TYR: variants seen among roughly 807,000 people sequenced by gnomAD.
The protein encoded by TYR is tyrosinase.
TYR carries 58 observed loss-of-function variants against 51.5 expected under a neutral mutation model. The observed-to-expected ratio is 1.13, with a 90% CI of 0.91 to 1.40. The LOEUF (loss-of-function observed/expected upper bound fraction) is 1.40, where lower values mean the gene tolerates loss of function less well. Among genes scored for constraint, TYR ranks in the 40% most tolerant of loss-of-function variants. TYR has a pLI of 0.00. For missense variants in TYR, 732 were observed against 647.4 expected, an observed-to-expected ratio of 1.13 and a Z score of -1.42; for synonymous variants, 263 against 235.2, an observed-to-expected ratio of 1.12 and a Z score of -1.08.
intron 2 of TYR, among the ~76,000 whole-genome samples, chr11:89,220,245 T>C (rs995116331): frequency 2.0e-5 from 3 of 152,142 alleles, no homozygotes; most frequent in South Asian, 2.1e-4. Flanking sequence ...CTTACAATTA[T>C]GGTAGAAGGC....
intron 2 of TYR, among the ~76,000 whole-genome samples, chr11:89,203,512 TG>T (rs1279706699): frequency 6.6e-6 from 1 of 152,204 alleles, no homozygotes; most frequent in Admixed American, 6.5e-5. Flanking sequence ...CTTCTACTTC[TG>T]GGAAGGTAAA....
chr11:89,213,145 A>G (rs1447353056), intron 2 of TYR, among the ~76,000 whole-genome samples: 5 of 152,180 alleles, frequency 3.3e-5, no homozygotes, highest in Non-Finnish European at 7.4e-5. Flanking sequence ...GAGGAAGTCC[A>G]ATTGTCTATT....
intron 2 of TYR, among the ~76,000 whole-genome samples, chr11:89,207,812 T>C (rs1943691970): frequency 6.6e-6 from 1 of 152,230 alleles, no homozygotes; most frequent in Non-Finnish European, 1.5e-5. Flanking sequence ...GTAAATATTC[T>C]GTATCTTGAC....
intron 3 of TYR, among the ~76,000 whole-genome samples, chr11:89,241,406 A>G (rs1944192289): frequency 6.6e-6 from 1 of 152,118 alleles, no homozygotes; most frequent in Non-Finnish European, 1.5e-5. Context: ...CATTGATCAT[A>G]TCTAGTTTGT....
chr11:89,218,934 T>C (rs1565401986), intron 2 of TYR, among the ~76,000 whole-genome samples: 1 of 152,218 alleles, frequency 6.6e-6, no homozygotes, highest in East Asian at 1.9e-4. Flanking sequence ...GTTTAAATTC[T>C]AGTACTATCA....
intron 3 of TYR, among the ~76,000 whole-genome samples, chr11:89,280,028 T>C (rs1364470944): frequency 2.0e-5 from 3 of 151,766 alleles, no homozygotes; most frequent in African/African-American, 7.2e-5. Context: ...CTTTATTTTG[T>C]GGCTCAAACT....
chr11:89,186,487 C>A (rs1165588875), intron 1 of TYR, among the ~76,000 whole-genome samples: 2 of 152,084 alleles, frequency 1.3e-5, no homozygotes, highest in Non-Finnish European at 2.9e-5. Context: ...GTTTCCACCT[C>A]CTCACCCTCT....
chr11:89,177,943 C>G lies in TYR; in HGVS notation c.-11C>G. On this transcript the variant is annotated 5_prime_UTR_variant, in exon 1 of 5. Coordinates refer to ENST00000263321, the MANE Select transcript of TYR (RefSeq NM_000372.5). ...CCAGTTCCTGCAGACCTTGTGAGGA[C>G]TAGAGGAAGAATGCTCCTGGCTGTT... 6.2e-7 allele frequency: 1 copy of G among 1,613,646 alleles called. No homozygotes were observed.
At chr11:89,221,528 T>C (rs1943912130) in intron 2 of TYR, among the ~76,000 whole-genome samples, 1 of 152,260 alleles carries the variant, frequency 6.6e-6, no homozygotes, top group African/African-American at 2.4e-5. Flanking sequence ...TTTTTTGATC[T>C]GCAATTCTGT....
At chr11:89,194,123 G>A (rs1943484867) in intron 2 of TYR, among the ~76,000 whole-genome samples, 1 of 152,074 alleles carries the variant, frequency 6.6e-6, no homozygotes, top group African/African-American at 2.4e-5. Flanking sequence ...TCTAGTCTAG[G>A]ATCAAATAGC....
At chr11:89,275,490 A>G (rs569680675) in intron 3 of TYR, among the ~76,000 whole-genome samples, 9 of 152,062 alleles carry the variant, frequency 5.9e-5, no homozygotes, top group Non-Finnish European at 1.3e-4. Flanking sequence ...TTGAGTTACT[A>G]TTGGCAAATT....
chr11:89,206,790 AC>A (rs1304661773), intron 2 of TYR, among the ~76,000 whole-genome samples: 1 of 152,152 alleles, frequency 6.6e-6, no homozygotes, highest in African/African-American at 2.4e-5. Flanking sequence ...GTGTTCTCCT[AC>A]CCCAATGGAA....
chr11:89,214,529 TG>T (rs1382210206), intron 2 of TYR, among the ~76,000 whole-genome samples: 1 of 152,234 alleles, frequency 6.6e-6, no homozygotes, highest in African/African-American at 2.4e-5. Context: ...ATCCCATTAC[TG>T]GGTATACCCA....
rs112146461 is a variant in TYR, at chr11:89,273,024, C to A, written c.1185-11749C>A. ...CAAACCACTAAAACTTTCTTCATAT[C>A]GGCAATAAGGCTGTTTCACTTTCTT... On this transcript the variant is annotated intron_variant, in intron 3 of 4. Transcript: ENST00000263321. Among the ~76,000 whole-genome samples, 1,074 of 151,988 alleles carry A rather than the reference C, an allele frequency of 7.1e-3. 13 individuals carry two copies. The highest frequency in any genetic ancestry group is 0.025 in the African/African-American group (1,043 of 41,532).
intron 3 of TYR, among the ~76,000 whole-genome samples, chr11:89,264,385 T>TA (rs1944499522): frequency 3.3e-5 from 5 of 151,920 alleles, no homozygotes; most frequent in African/African-American, 7.2e-5. Context: ...CTTTTTTTTT[T>TA]ACCTTTTAAG....
rs1036671870 is a variant in TYR at position 89,233,914 on chromosome 11, G to C, written c.1184+5944G>C. ...AAATGAGCACTGGCTTCTACTTAAA[G>C]TTACCAGCTGCATTAGCCCCTAGCA... is the stretch of plus-strand genomic sequence containing the variant. On this transcript the variant is annotated intron_variant, in intron 3 of 4. Coordinates refer to ENST00000263321, the MANE Select transcript of TYR (RefSeq NM_000372.5). Among the ~76,000 whole-genome samples the C allele has an allele frequency of 1.6e-4, 23 of 143,238 alleles. 1 individual carries two copies. Among genetic ancestry groups the C allele is most frequent in the Middle Eastern group, 3.5e-3 (1 of 284 alleles). 94.0% of individuals were successfully genotyped at this position (143,238 alleles called of 152,430 possible).
intron 3 of TYR, among the ~76,000 whole-genome samples, chr11:89,242,911 C>T (rs1944217785): frequency 1.3e-5 from 2 of 152,094 alleles, no homozygotes; most frequent in Non-Finnish European, 2.9e-5. Context: ...AGAGAGACCT[C>T]GACTGAGATA....
chr11:89,268,873 G>T (rs1446723302), intron 3 of TYR, among the ~76,000 whole-genome samples: 1 of 151,690 alleles, frequency 6.6e-6, no homozygotes, highest in Non-Finnish European at 1.5e-5. Context: ...CAGTGCCCAG[G>T]GTCCCTGTCA....
chr11:89,223,908 G>GTTTTTT (rs66544506), intron 2 of TYR, among the ~76,000 whole-genome samples: 3 of 143,104 alleles, frequency 2.1e-5, no homozygotes, highest in East Asian at 2.1e-4. Flanking sequence ...TTCTTTAGCT[G>GTTTTTT]TTTTTTTTTT....
Sources: gnomAD v4.1 joint callset for allele counts (sites outside exome capture counted in the v4.1 genomes callset) on GRCh38, gnomAD v4.1.1 for gene constraint, MANE v1.5 for transcripts, NCBI Gene and HGNC (gene_info 2026-07-23, HGNC 2026-07-21) for gene names.